The following PCDHA1 variants were observed in gnomAD, a reference collection of about 807,000 sequenced individuals.
The protein encoded by PCDHA1 is protocadherin alpha-1.
A neutral mutation model predicts 61.3 loss-of-function variants in PCDHA1; 42 were observed. The observed-to-expected ratio is 0.69, with a 90% CI of 0.54 to 0.89. The LOEUF (loss-of-function observed/expected upper bound fraction) is 0.89, where lower values mean the gene tolerates loss of function less well. Among genes scored for constraint, PCDHA1 ranks in the 40% least tolerant of loss-of-function variants. The probability of loss-of-function intolerance (pLI) is 0.00; values close to 1 mark genes in which losing one functional copy is unlikely to be tolerated. For missense variants in PCDHA1, 1,256 were observed against 1,235.3 expected (o/e 1.02, Z -0.25); for synonymous variants, 610 against 553.8 (o/e 1.10, Z -1.43).
intron 3 of PCDHA1, among the ~76,000 whole-genome samples, chr5:141,005,470 G>T (rs1563690887): frequency 6.6e-6 from 1 of 151,956 alleles, no homozygotes; most frequent in African/African-American, 2.4e-5. Flanking sequence ...TTGGGAGGCC[G>T]AGACGGGCGG....
At chr5:140,803,097 A>C in intron 1 of PCDHA1, 1 of 1,613,814 alleles carries the variant, frequency 6.2e-7, no homozygotes, top group Non-Finnish European at 8.5e-7. Flanking sequence ...GATCAGCACG[A>C]CCCGTGCCCT....
At chr5:140,917,498 G>A (rs1303014069) in intron 1 of PCDHA1, among the ~76,000 whole-genome samples, 2 of 152,204 alleles carry the variant, frequency 1.3e-5, no homozygotes, top group African/African-American at 4.8e-5. Context: ...TGCCCAGAAT[G>A]ATATTTTCTA....
chr5:140,984,692 C>T (rs1252057323), intron 3 of PCDHA1, among the ~76,000 whole-genome samples: 2 of 152,130 alleles, frequency 1.3e-5, no homozygotes, highest in Non-Finnish European at 2.9e-5. Context: ...ATATGTTCTG[C>T]ACTGCTTGGA....
At chr5:140,793,715 T>A (rs1405353166) in intron 1 of PCDHA1, among the ~76,000 whole-genome samples, 2 of 152,168 alleles carry the variant, frequency 1.3e-5, no homozygotes, top group African/African-American at 4.8e-5. Flanking sequence ...ATTTTTTTAC[T>A]GTGAAGGGAT....
At chr5:141,000,376 T>C (rs2097906883) in intron 3 of PCDHA1, among the ~76,000 whole-genome samples, 1 of 58,410 alleles carries the variant, frequency 1.7e-5, no homozygotes, top group Non-Finnish European at 3.2e-5. Flanking sequence ...TCTCTCTCTC[T>C]CTCTCTCTCT....
At chr5:140,922,373 C>A (rs1337198160) in intron 1 of PCDHA1, among the ~76,000 whole-genome samples, 1 of 152,158 alleles carries the variant, frequency 6.6e-6, no homozygotes, top group African/African-American at 2.4e-5. Context: ...CACTGAGATG[C>A]AAAACCAAAG....
At chr5:140,804,751 T>C in intron 1 of PCDHA1, 1 of 224,170 alleles carries the variant, frequency 4.5e-6, no homozygotes, top group Non-Finnish European at 8.7e-6. Flanking sequence ...GGTTATCTCC[T>C]CTAGCAATTA....
chr5:140,868,890 G>A (rs1013785921), intron 1 of PCDHA1: 2 of 748,714 alleles, frequency 2.7e-6, no homozygotes, highest in African/African-American at 1.8e-5. Flanking sequence ...AGTTTTAGGC[G>A]CAAGGTGTCG....
intron 1 of PCDHA1, among the ~76,000 whole-genome samples, chr5:140,844,762 T>C (rs1779533544): frequency 6.7e-6 from 1 of 149,418 alleles, no homozygotes; most frequent in Non-Finnish European, 1.5e-5. Context: ...CTTTGAAAAA[T>C]CCAAGATACT....
In PCDHA1 at chr5:140,870,550, G is replaced by A. The variant is rs371515299; in HGVS notation, c.2394+81866G>A. On this transcript the variant is annotated intron_variant, in intron 1 of 3. Transcript: ENST00000504120. ...CACAGTGTCGGCGCGGGACGCGGAC[G>A]CGCAGGAGAACGCGCTGGTGTCCTA... 3.1e-6 allele frequency: 5 copies of A among 1,614,066 alleles called. No homozygotes were observed. In the African/African-American group the frequency reaches 6.7e-5, roughly 22 times the overall value.
chr5:140,877,433 A>G, intron 1 of PCDHA1: 8 of 1,613,774 alleles, frequency 5.0e-6, no homozygotes, highest in Non-Finnish European at 6.8e-6. Context: ...GTGAAGGACC[A>G]CGGTGAGCCC....
At chr5:140,829,374 G>C in intron 1 of PCDHA1, 2 of 1,614,224 alleles carry the variant, frequency 1.2e-6, no homozygotes, top group Non-Finnish European at 1.7e-6. Flanking sequence ...GTAACCGCGC[G>C]GGACGGGGGC....
chr5:140,954,536 T>C (rs1438016822), intron 1 of PCDHA1, among the ~76,000 whole-genome samples: 3 of 152,248 alleles, frequency 2.0e-5, no homozygotes, highest in African/African-American at 7.2e-5. Flanking sequence ...GTTGAGGTTT[T>C]TTTCATATGT....
intron 1 of PCDHA1, chr5:140,857,099 G>C (rs2044359336): frequency 1.9e-6 from 3 of 1,597,240 alleles, no homozygotes; most frequent in Non-Finnish European, 2.6e-6. Context: ...TGAGGTGATT[G>C]TCACTTCTCT....
chr5:140,925,084 AGGAAGGAAGGAAGGAAGGAAGGAG>A (rs1554202501), intron 1 of PCDHA1, among the ~76,000 whole-genome samples: 1 of 144,612 alleles, frequency 6.9e-6, no homozygotes, highest in Admixed American at 6.7e-5. Flanking sequence ...TCATCTGGAA[AGGAAGGAAGGAAGGAAGGAAGGAG>A]GGAAGGAAGG....
In PCDHA1 at chr5:140,959,652, T is replaced by C. The variant is rs538144488; in HGVS notation, c.2395-19297T>C. 1.3e-4 allele frequency among the ~76,000 whole-genome samples: 20 copies of C among 152,234 alleles called. No individual in the cohort carries two copies. In the South Asian group the frequency reaches 4.2e-3, roughly 32 times the overall value. On this transcript the variant is annotated intron_variant, in intron 1 of 3. Transcript: ENST00000504120. ...AGAGAGAAAAAACACAGAAGCAAAATTGAAGAATTTGTAAATCATTTCTAA... is the reference window on the plus strand; with the variant it reads ...AGAGAGAAAAAACACAGAAGCAAAACTGAAGAATTTGTAAATCATTTCTAA...
chr5:140,824,627 T>TTTTTTTTTTTTTTTTTTTTTTTG (rs1554130003), intron 1 of PCDHA1: 1 of 134,010 alleles, frequency 7.5e-6, no homozygotes, highest in African/African-American at 3.2e-5. Flanking sequence ...TTTTTTTTTT[T>TTTTTTTTTTTTTTTTTTTTTTTG]TTTTTATTTT....
intron 1 of PCDHA1, chr5:140,883,794 C>A (rs781822448): frequency 6.2e-7 from 1 of 1,612,476 alleles, no homozygotes; most frequent in Non-Finnish European, 8.5e-7. Flanking sequence ...AGCTACGTGT[C>A]GGTGCACGCG....
chr5:140,791,177 A>C (rs1046421823), intron 1 of PCDHA1, among the ~76,000 whole-genome samples: 1 of 152,236 alleles, frequency 6.6e-6, no homozygotes, highest in African/African-American at 2.4e-5. Context: ...GCCACTACCG[A>C]TATTCCTCTG....
Sources: allele counts gnomAD v4.1 joint callset (sites outside exome capture counted in the v4.1 genomes callset), GRCh38; gene constraint gnomAD v4.1.1; transcripts MANE v1.5; gene names NCBI Gene and HGNC (gene_info 2026-07-23, HGNC 2026-07-21).